Variants in NFIA observed in about 807,000 individuals in gnomAD.
NFIA encodes the protein nuclear factor I A, also known as nuclear factor 1 A-type.
NFIA carries 8 observed loss-of-function variants against 62.8 expected under a neutral mutation model. The observed-to-expected ratio is 0.13, with a 90% CI of 0.07 to 0.23. The LOEUF is 0.23. Among genes scored for constraint, NFIA ranks in the 10% least tolerant of loss-of-function variants. NFIA has a pLI of 1.00. For synonymous variants in NFIA, 235 were observed against 238.1 expected (o/e 0.99, Z 0.12); for missense variants, 410 against 642.1 (o/e 0.64, Z 3.91).
intron 4 of NFIA, among the ~76,000 whole-genome samples, chr1:61,334,106 T>C (rs952765771): frequency 1.3e-5 from 2 of 152,110 alleles, no homozygotes; most frequent in African/African-American, 4.8e-5. Context: ...CTTGAAGAGA[T>C]CTATAGCATG....
chr1:61,111,662 C>T (rs1646695648), intron 2 of NFIA, among the ~76,000 whole-genome samples: 1 of 152,088 alleles, frequency 6.6e-6, no homozygotes, highest in African/African-American at 2.4e-5. Flanking sequence ...TCTTTGTCAA[C>T]CCACATTCAC....
chr1:61,224,287 T>TGCTTATC (rs1654193520), intron 2 of NFIA, among the ~76,000 whole-genome samples: 2 of 152,198 alleles, frequency 1.3e-5, no homozygotes, highest in Admixed American at 1.3e-4. Flanking sequence ...TACTTCTTAA[T>TGCTTATC]GCTTATCTCT....
chr1:61,115,296 T>C (rs1407402146), intron 2 of NFIA, among the ~76,000 whole-genome samples: 2 of 152,176 alleles, frequency 1.3e-5, no homozygotes, highest in African/African-American at 2.4e-5. Context: ...TATATATTGA[T>C]AACTTACTGG....
At chr1:61,170,228 G>T (rs1339576365) in intron 2 of NFIA, among the ~76,000 whole-genome samples, 1 of 152,144 alleles carries the variant, frequency 6.6e-6, no homozygotes, top group Non-Finnish European at 1.5e-5. Flanking sequence ...AGGCATCCTT[G>T]ACCCCAGAGG....
chr1:61,453,123 G>C (rs1668134665), intron 10 of NFIA, among the ~76,000 whole-genome samples: 2 of 152,204 alleles, frequency 1.3e-5, no homozygotes, highest in Admixed American at 1.3e-4. Context: ...TGGGGGTCTT[G>C]CTTGCTGTGT....
chr1:61,164,720 A>G (rs1649454640), intron 2 of NFIA, among the ~76,000 whole-genome samples: 1 of 152,146 alleles, frequency 6.6e-6, no homozygotes, highest in Non-Finnish European at 1.5e-5. Flanking sequence ...TCAGCCTCCC[A>G]AAGTGCTGGG....
At chr1:61,091,319 C>A (rs1646316845) in intron 2 of NFIA, among the ~76,000 whole-genome samples, 1 of 151,872 alleles carries the variant, frequency 6.6e-6, no homozygotes, top group African/African-American at 2.4e-5. Context: ...CGTGAGAATA[C>A]TAGAAGCAAA....
chr1:61,329,496 C>T (rs1396703378), intron 3 of NFIA, among the ~76,000 whole-genome samples: 1 of 151,294 alleles, frequency 6.6e-6, no homozygotes, highest in Non-Finnish European at 1.5e-5. Flanking sequence ...GATTCTCCTG[C>T]CTCAGCCTCC....
chr1:61,264,653 C>CAAAAAAAA (rs1165980251), intron 2 of NFIA, among the ~76,000 whole-genome samples: 2 of 60,742 alleles, frequency 3.3e-5, no homozygotes, highest in African/African-American at 5.3e-5. Flanking sequence ...CTCCACCTTA[C>CAAAAAAAA]AAAAAAAAAA....
At chr1:61,410,254 A>C (rs1336923436) in intron 9 of NFIA, among the ~76,000 whole-genome samples, 1 of 152,156 alleles carries the variant, frequency 6.6e-6, no homozygotes, top group Non-Finnish European at 1.5e-5. Context: ...TTCAGTAGGG[A>C]TGACATCCTG....
intron 2 of NFIA, among the ~76,000 whole-genome samples, chr1:61,148,620 G>T (rs1648178854): frequency 6.6e-6 from 1 of 152,168 alleles, no homozygotes; most frequent in Admixed American, 6.5e-5. Flanking sequence ...ATCATTTCAG[G>T]TGCCTGCATC....
At position 61,406,796 on chromosome 1, in the gene NFIA, T is replaced by G. The variant is rs534202350; in HGVS notation, c.1420+69T>G. 13 of 1,463,232 alleles carry G rather than the reference T, an allele frequency of 8.9e-6. No homozygotes were observed. In the South Asian group the frequency reaches 1.7e-4, roughly 19 times the overall value. 90.6% of individuals were successfully genotyped at this position (1,463,232 alleles called of 1,614,324 possible). On this transcript the variant is annotated intron_variant, in intron 9 of 10. Transcript: ENST00000403491. Reference sequence around the variant, plus strand: ...ATGCACTGGAATCCACACTTAGGCTTTGTCCCTCACTGTATAGGCTCTAGA... The same window carrying G: ...ATGCACTGGAATCCACACTTAGGCTGTGTCCCTCACTGTATAGGCTCTAGA...
intron 5 of NFIA, among the ~76,000 whole-genome samples, chr1:61,354,738 G>T (rs544626367): frequency 2.0e-5 from 3 of 152,254 alleles, no homozygotes; most frequent in Non-Finnish European, 2.9e-5. Context: ...GGAGTTTCTA[G>T]CATCTCTATT....
chr1:61,097,135 T>C (rs1486325513), intron 2 of NFIA, among the ~76,000 whole-genome samples: 2 of 152,146 alleles, frequency 1.3e-5, no homozygotes, highest in Non-Finnish European at 2.9e-5. Context: ...TTGAGGCATG[T>C]GAAGAAAAGT....
intron 3 of NFIA, among the ~76,000 whole-genome samples, chr1:61,310,156 T>C (rs887900802): frequency 6.6e-6 from 1 of 151,876 alleles, no homozygotes; most frequent in African/African-American, 2.4e-5. Flanking sequence ...TTCTTTGTGT[T>C]TTGAAAATCT....
intron 2 of NFIA, among the ~76,000 whole-genome samples, chr1:61,123,074 G>T (rs1002886593): frequency 6.6e-6 from 1 of 152,186 alleles, no homozygotes; most frequent in Non-Finnish European, 1.5e-5. Flanking sequence ...CTACTTAAAT[G>T]ATATCCTATC....
chr1:61,308,870 A>G (rs373902940), intron 3 of NFIA, among the ~76,000 whole-genome samples: 2 of 152,270 alleles, frequency 1.3e-5, no homozygotes, highest in African/African-American at 4.8e-5. Flanking sequence ...TCCATGCTAT[A>G]TTCCAAGGAG....
At chr1:61,171,883 CAG>C (rs1309483068) in intron 2 of NFIA, among the ~76,000 whole-genome samples, 2 of 152,186 alleles carry the variant, frequency 1.3e-5, no homozygotes, top group Non-Finnish European at 2.9e-5. Context: ...TAGAAATCCT[CAG>C]GGGCTGATAC....
intron 2 of NFIA, among the ~76,000 whole-genome samples, chr1:61,203,253 T>C (rs1256079250): frequency 6.6e-6 from 1 of 152,156 alleles, no homozygotes; most frequent in Non-Finnish European, 1.5e-5. Flanking sequence ...GGGATAGACA[T>C]TGCAGGCAGG....
Sources: gnomAD v4.1 joint callset for allele counts (sites outside exome capture counted in the v4.1 genomes callset) on GRCh38, gnomAD v4.1.1 for gene constraint, MANE v1.5 for transcripts, NCBI Gene and HGNC (gene_info 2026-07-23, HGNC 2026-07-21) for gene names.